The following ZNF721 variants were observed in gnomAD, a reference collection of about 807,000 sequenced individuals.
ZNF721 encodes the protein zinc finger protein 721.
A neutral mutation model predicts 2.4 loss-of-function variants in ZNF721; 2 were observed. That is an observed-to-expected ratio of 0.82 (90% CI 0.34 to 2.58). The LOEUF is 2.58. Ranked by LOEUF, ZNF721 falls within the 30% of genes most tolerant of loss-of-function variation. The probability of loss-of-function intolerance (pLI) is 0.11; values close to 1 mark genes in which losing one functional copy is unlikely to be tolerated. For missense variants in ZNF721, 1,187 were observed against 1,085.5 expected, an observed-to-expected ratio of 1.09 and a Z score of -1.31; for synonymous variants, 398 against 381.8, an observed-to-expected ratio of 1.04 and a Z score of -0.50.
intron 1 of ZNF721, among the ~76,000 whole-genome samples, chr4:497,202 G>T (rs1354850586): frequency 6.6e-6 from 1 of 151,772 alleles, no homozygotes; most frequent in African/African-American, 2.4e-5. Flanking sequence ...TTGATGAAGC[G>T]AGTGGGAACT....
At position 443,859 on chromosome 4, in the gene ZNF721, C is replaced by G; in HGVS notation, c.608G>C (p.Gly203Ala). The G allele has an allele frequency of 1.2e-6, 2 of 1,613,924 alleles. No homozygotes were observed. The highest frequency in any genetic ancestry group is 2.2e-5 in the South Asian group (2 of 91,076). Residue 203 changes from glycine (G) to alanine (A), a missense_variant, in exon 3 of 3, where the codon GGA becomes GCA. Gly to Ala is a moderately conservative substitution (Grantham distance 60). Coordinates refer to ENST00000511833, the MANE Select transcript of ZNF721 (RefSeq NM_133474.4). ...YTGEDRDRAF[G>A]WSTNLNEYKK... The stretch of plus-strand genomic sequence containing the variant: ...ATATTCATTCAGGTTTGTGGACCAT[C>G]CAAAGGCTCTGTCACGATCTTCACC...
At chr4:448,963 C>G (rs1218491710) in intron 2 of ZNF721, among the ~76,000 whole-genome samples, 1 of 152,074 alleles carries the variant, frequency 6.6e-6, no homozygotes, top group Non-Finnish European at 1.5e-5. Flanking sequence ...ATGACATTAA[C>G]ACAAAATAAG....
At position 443,160 on chromosome 4, in the gene ZNF721, T is replaced by C; in HGVS notation, c.1307A>G (p.Lys436Arg). Residue 436 changes from lysine to arginine, a missense_variant, in exon 3 of 3, where the codon AAG (lysine) becomes AGG (arginine). Coordinates refer to ENST00000511833, the MANE Select transcript of ZNF721 (RefSeq NM_133474.4). Reference sequence around the variant, plus strand: ...GGGTTTATCTCCAGTATGAATTTTCTTATATTCATTCAGGTTTGTGGACAA... The same window carrying C: ...GGGTTTATCTCCAGTATGAATTTTCCTATATTCATTCAGGTTTGTGGACAA... ...FGLSTNLNEY[K>R]KIHTGDKPYK... The C allele has an allele frequency of 6.2e-7, 1 of 1,613,030 alleles. No homozygotes were observed. Among genetic ancestry groups the C allele is most frequent in the South Asian group, 1.1e-5 (1 of 91,002 alleles).
chr4:447,199 G>A (rs772254707), intron 2 of ZNF721, among the ~76,000 whole-genome samples: 22 of 151,820 alleles, frequency 1.4e-4, no homozygotes, highest in East Asian at 1.9e-4. Flanking sequence ...GGCAGGCACC[G>A]TACTCCCAGC....
At chr4:450,252 C>A (rs1207632794) in intron 2 of ZNF721, among the ~76,000 whole-genome samples, 1 of 149,646 alleles carries the variant, frequency 6.7e-6, no homozygotes, top group Non-Finnish European at 1.5e-5. Context: ...TTTACAATGG[C>A]CAAGATATGG....
intron 1 of ZNF721, among the ~76,000 whole-genome samples, chr4:482,306 G>C (rs1415559130): frequency 6.6e-6 from 1 of 151,820 alleles, no homozygotes; most frequent in Non-Finnish European, 1.5e-5. Context: ...TAGGATTACA[G>C]GCATGTGCCA....
intron 2 of ZNF721, among the ~76,000 whole-genome samples, chr4:458,154 C>T (rs113004211): frequency 2.0e-5 from 3 of 152,340 alleles, no homozygotes; most frequent in African/African-American, 4.8e-5. Flanking sequence ...TTTGTATCAG[C>T]ACCTTAATCT....
At chr4:465,854 A>G (rs1389801287) in intron 2 of ZNF721, among the ~76,000 whole-genome samples, 2 of 152,126 alleles carry the variant, frequency 1.3e-5, no homozygotes, top group African/African-American at 2.4e-5. Context: ...AACAATAGAA[A>G]CAAAACAACT....
intron 1 of ZNF721, among the ~76,000 whole-genome samples, chr4:477,731 A>C (rs1258713212): frequency 1.3e-5 from 2 of 152,306 alleles, no homozygotes; most frequent in East Asian, 1.9e-4. Flanking sequence ...CATGCATGCT[A>C]AATTTGAGCA....
chr4:472,012 C>A lies in ZNF721; in HGVS notation c.34+563G>T, dbSNP rs190547204. On this transcript the variant is annotated intron_variant, in intron 2 of 2. Transcript: ENST00000511833. ...TTATATGAAGCAATGTTGCTATATA[C>A]CAAACATAACTCGTTTGTATCAATT... Among the ~76,000 whole-genome samples, 609 of 152,262 alleles carry A rather than the reference C, an allele frequency of 4.0e-3. 3 individuals carry two copies. The highest frequency in any genetic ancestry group is 0.014 in the African/African-American group (595 of 41,542).
chr4:467,062 CA>C (rs574287696), intron 2 of ZNF721, among the ~76,000 whole-genome samples: 7 of 148,588 alleles, frequency 4.7e-5, no homozygotes, highest in Admixed American at 1.3e-4. Flanking sequence ...ACTAAAAATA[CA>C]AAAAAAAAAT....
chr4:484,599 T>C (rs1218035663), intron 1 of ZNF721, among the ~76,000 whole-genome samples: 4 of 152,238 alleles, frequency 2.6e-5, no homozygotes, highest in Non-Finnish European at 5.9e-5. Context: ...CCATCTCTTA[T>C]GGTCGAGGCT....
chr4:479,343 C>T (rs1378690766), intron 1 of ZNF721, among the ~76,000 whole-genome samples: 1 of 152,158 alleles, frequency 6.6e-6, no homozygotes, highest in East Asian at 1.9e-4. Context: ...ACATCATGCA[C>T]GTGGTGGTCC....
At chr4:474,094 G>T in intron 1 of ZNF721, 1 of 1,334,342 alleles carries the variant, frequency 7.5e-7, no homozygotes, top group Non-Finnish European at 1.0e-6. Flanking sequence ...CCTCCCTGAG[G>T]TGTGGAAGCA....
intron 1 of ZNF721, among the ~76,000 whole-genome samples, chr4:486,632 T>C (rs1269450818): frequency 1.3e-5 from 2 of 152,216 alleles, no homozygotes; most frequent in Admixed American, 6.5e-5. Flanking sequence ...AGAGCAAAAG[T>C]TGATTCAGGA....
In ZNF721 at chr4:443,972, G is replaced by C. The variant is rs369127753; in HGVS notation, c.495C>G (p.Tyr165Ter). ...HKKIHTGEKP[Y>*]KCEECGKAFN... ...AGGCTTTGCCACATTCTTCACATTTGTAAGGTTTCTCTCCAGTATGAATTT... is the reference window on the plus strand; with the variant it reads ...AGGCTTTGCCACATTCTTCACATTTCTAAGGTTTCTCTCCAGTATGAATTT... Residue 165 changes from tyrosine to a stop codon, truncating the protein, a stop_gained, in exon 3 of 3, where the codon TAC becomes TAG. Transcript: ENST00000511833. LOFTEE classifies it low-confidence loss of function (END_TRUNC). 19 of 1,613,998 alleles carry C rather than the reference G, an allele frequency of 1.2e-5. No individual in the cohort carries two copies. The highest frequency in any genetic ancestry group is 1.5e-5 in the Non-Finnish European group (18 of 1,180,022).
chr4:492,534 T>G (rs532331852), intron 1 of ZNF721, among the ~76,000 whole-genome samples: 62 of 151,998 alleles, frequency 4.1e-4, no homozygotes, highest in Non-Finnish European at 7.9e-4. Context: ...TATAAGTGTT[T>G]TTTTACACCA....
At chr4:455,179 C>T (rs1212521714) in intron 2 of ZNF721, among the ~76,000 whole-genome samples, 2 of 152,176 alleles carry the variant, frequency 1.3e-5, no homozygotes, top group Non-Finnish European at 2.9e-5. Context: ...CCTACATTGC[C>T]ATTTACATGG....
At position 441,809 on chromosome 4, in the gene ZNF721, A is replaced by C. The variant is rs373046971; in HGVS notation, c.2658T>G (p.Ile886Met). 3.8e-5 allele frequency: 62 copies of C among 1,613,888 alleles called. No homozygotes were observed. In the African/African-American group the frequency reaches 7.6e-4, roughly 20 times the overall value. ...QSANLYAHKK[I>M]HTGEKPYTCG... ...ACGTGTAGGGTTTCTCTCCAGTATG[A>C]ATTTTCTTATGCGCATAAAGATTTG... Residue 886 changes from isoleucine to methionine, a missense_variant, in exon 3 of 3, where the codon ATT (isoleucine) becomes ATG (methionine). Ile to Met is a conservative substitution (Grantham distance 10). Transcript: ENST00000511833.
Sources: allele counts gnomAD v4.1 joint callset (sites outside exome capture counted in the v4.1 genomes callset), GRCh38; gene constraint gnomAD v4.1.1; transcripts MANE v1.5; gene names NCBI Gene and HGNC (gene_info 2026-07-23, HGNC 2026-07-21).